Variants in PIK3C3 observed in about 807,000 individuals in gnomAD.
PIK3C3 encodes the protein phosphatidylinositol 3-kinase catalytic subunit type 3, also known as PI3-kinase type 3.
A neutral mutation model predicts 126.1 loss-of-function variants in PIK3C3; 95 were observed. The ratio of observed to expected loss-of-function variants is 0.75; its 90% confidence interval spans 0.64 to 0.89. PIK3C3 has a LOEUF of 0.89. Among genes scored for constraint, PIK3C3 ranks in the 40% least tolerant of loss-of-function variants. PIK3C3 has a pLI of 0.00. For missense variants in PIK3C3, 829 were observed against 1,063.2 expected, an observed-to-expected ratio of 0.78 and a Z score of 3.06; for synonymous variants, 374 against 360.0, an observed-to-expected ratio of 1.04 and a Z score of -0.44.
intron 21 of PIK3C3, among the ~76,000 whole-genome samples, chr18:42,054,915 G>C (rs968498921): frequency 6.6e-6 from 1 of 151,834 alleles, no homozygotes; most frequent in Non-Finnish European, 1.5e-5. Flanking sequence ...TTACCACCAT[G>C]AGATGAATAA....
intron 19 of PIK3C3, among the ~76,000 whole-genome samples, chr18:42,043,100 CT>C (rs879644776): frequency 3.1e-3 from 448 of 142,500 alleles, no homozygotes; most frequent in Middle Eastern, 7.2e-3. Context: ...ATAGGATAAA[CT>C]TTTTTTTTTT....
At chr18:41,987,940 A>G (rs554409400) in intron 5 of PIK3C3, 42 bp downstream of exon 5, 4 of 1,202,290 alleles carry the variant, frequency 3.3e-6, no homozygotes, top group Non-Finnish European at 4.7e-6. Context: ...TTTTCTGTAA[A>G]TTTTTAAATT....
intron 19 of PIK3C3, 29 bp from the exon 20 acceptor site, chr18:42,043,704 T>C (rs781025938): frequency 1.4e-6 from 2 of 1,466,246 alleles, no homozygotes; most frequent in African/African-American, 1.4e-5. Context: ...TGTACTTAAT[T>C]CTAAAACATG....
At chr18:42,000,052 A>C (rs2144372641) in intron 9 of PIK3C3, among the ~76,000 whole-genome samples, 1 of 152,214 alleles carries the variant, frequency 6.6e-6, no homozygotes, top group African/African-American at 2.4e-5. Context: ...GTGATATTGT[A>C]CTTCTCTTTT....
intron 22 of PIK3C3, among the ~76,000 whole-genome samples, chr18:42,064,149 T>C (rs977712238): frequency 6.6e-6 from 1 of 152,190 alleles, no homozygotes; most frequent in East Asian, 1.9e-4. Context: ...TCTGAAGATA[T>C]CATTATTTAG....
At chr18:42,067,570 T>A (rs1474834735) in intron 24 of PIK3C3, 57 bp downstream of exon 24, 11 of 1,579,976 alleles carry the variant, frequency 7.0e-6, no homozygotes, top group African/African-American at 1.4e-5. Context: ...TGCCCCAGAG[T>A]CCTTGGAGAG....
intron 19 of PIK3C3, among the ~76,000 whole-genome samples, chr18:42,042,904 G>A (rs1984387577): frequency 1.3e-5 from 2 of 152,138 alleles, no homozygotes; most frequent in Non-Finnish European, 2.9e-5. Context: ...CTGTAAGGTT[G>A]AATGTATAAA....
In PIK3C3 at chr18:42,015,482, A is replaced by G; in HGVS notation, c.1332A>G (p.Gln444=). The change falls in exon 12 of 25, where the codon CAA becomes CAG. Residue 444 remains glutamine (Q), a synonymous_variant. Transcript: ENST00000262039. ...GINSAEIDSS[Q]IITSPLPSVS... is the part of the protein sequence containing the mutation. ...TCTTTTATTACTTTTTCAGCTCCCA[A>G]ATTATAACCAGCCCCCTTCCTTCAG... The G allele has an allele frequency of 1.2e-6, 2 of 1,613,120 alleles. No homozygotes were observed. Among genetic ancestry groups the G allele is most frequent in the Non-Finnish European group, 8.5e-7 (1 of 1,179,438 alleles).
chr18:41,961,696 G>A (rs1245140930), intron 2 of PIK3C3, among the ~76,000 whole-genome samples: 1 of 152,122 alleles, frequency 6.6e-6, no homozygotes, highest in Non-Finnish European at 1.5e-5. Flanking sequence ...CATATTGTTG[G>A]CACAGTATTC....
intron 10 of PIK3C3, among the ~76,000 whole-genome samples, chr18:42,011,528 G>A (rs181900077): frequency 1.4e-4 from 21 of 152,270 alleles, no homozygotes; most frequent in African/African-American, 5.1e-4. Context: ...TCTGGATTGG[G>A]CTTTCACCCA....
At chr18:42,041,881 C>T (rs964114692) in intron 19 of PIK3C3, among the ~76,000 whole-genome samples, 4 of 152,202 alleles carry the variant, frequency 2.6e-5, no homozygotes, top group Non-Finnish European at 5.9e-5. Context: ...ACCTGTGTAA[C>T]TTTCCAGCTC....
At chr18:42,025,948 T>G (rs965483376) in intron 13 of PIK3C3, 9 of 152,176 alleles carry the variant, frequency 5.9e-5, no homozygotes, top group Admixed American at 2.0e-4. Context: ...AGGTAAGCCC[T>G]CAGCTCTCAT....
Position 42,081,688 on chromosome 18 carries a change from C to T in PIK3C3, c.*551C>T, listed in dbSNP as rs577005403. On this transcript the variant is annotated 3_prime_UTR_variant, in exon 25 of 25. Coordinates refer to ENST00000262039, the MANE Select transcript of PIK3C3 (RefSeq NM_002647.4). The stretch of plus-strand genomic sequence containing the variant: ...GTTTTACATGTGATGGCTCATTCTT[C>T]TGCAGTTCAAGAATTGCTTATATTT... 6.6e-6 allele frequency: 1 copy of T among 152,534 alleles called. No homozygotes were observed. Among genetic ancestry groups the T allele is most frequent in the South Asian group, 2.1e-4 (1 of 4,828 alleles). The allele number at this position is 152,534 out of a possible 1,614,324, so 9.4% of individuals were successfully genotyped here.
intron 22 of PIK3C3, 136 bp downstream of exon 22, chr18:42,058,187 C>A: frequency 3.2e-6 from 2 of 629,862 alleles, no homozygotes; most frequent in Non-Finnish European, 5.0e-6. Flanking sequence ...TATTTCCTAT[C>A]TTACATTTAA....
chr18:41,979,895 T>TATTATTATTATTATTATTATC (rs142491238), intron 4 of PIK3C3, among the ~76,000 whole-genome samples: 16 of 149,728 alleles, frequency 1.1e-4, no homozygotes, highest in African/African-American at 3.9e-4. Context: ...TTATTATTAT[T>TATTATTATTATTATTATTATC]ATTATTATTA....
At position 42,027,456 on chromosome 18, in the gene PIK3C3, G is replaced by A. The variant is rs1031312269; in HGVS notation, c.1498G>A (p.Glu500Lys). The change falls in exon 14 of 25, where the codon GAA (glutamate) becomes AAA (lysine). Residue 500 changes from glutamate (E) to lysine (K), a missense_variant. Glu to Lys is a moderately conservative substitution (Grantham distance 56). Coordinates refer to ENST00000262039, the MANE Select transcript of PIK3C3 (RefSeq NM_002647.4). ...ACTATTTTTAAGGTATGTGATAGTG[G>A]AATGTGAAGATCAAGATACTCAGCA... The part of the protein sequence containing the change: ...ANYLYWYVIV[E>K]CEDQDTQQRD... 1.9e-6 allele frequency: 3 copies of A among 1,596,718 alleles called. No individual in the cohort carries two copies. The highest frequency in any genetic ancestry group is 1.7e-5 in the Admixed American group (1 of 59,576).
In PIK3C3 at chr18:41,995,939, G is replaced by C; in HGVS notation, c.836G>C (p.Ser279Thr). ...KHHKLARSLR[S>T]GPSDHDLKPN... ...CACAAGCTTGCCCGGAGTTTAAGAA[G>C]TGGACCTTCTGACCACGATCTGAAA... The change falls in exon 8 of 25, where the codon AGT (serine) becomes ACT (threonine). Residue 279 changes from serine (S) to threonine (T), a missense_variant. Ser to Thr is a moderately conservative substitution (Grantham distance 58, BLOSUM62 1). Coordinates refer to ENST00000262039, the MANE Select transcript of PIK3C3 (RefSeq NM_002647.4). The C allele has an allele frequency of 6.2e-7, 1 of 1,613,264 alleles. No homozygotes were observed.
chr18:41,970,342 G>C lies in PIK3C3; in HGVS notation c.417G>C (p.Gly139=), dbSNP rs376163040. 1 of 1,613,402 alleles carries C rather than the reference G, an allele frequency of 6.2e-7. No individual in the cohort carries two copies. The highest frequency in any genetic ancestry group is 1.3e-5 in the African/African-American group (1 of 74,880). Residue 139 remains glycine, a synonymous_variant, in exon 4 of 25, where the codon GGG becomes GGC. Coordinates refer to ENST00000262039, the MANE Select transcript of PIK3C3 (RefSeq NM_002647.4). The part of the protein sequence containing the change: ...LFGKYGMFRQ[G]MHDLKVWPNV... ...TTTTCCCTAGCATGTTTCGCCAAGGGATGCATGACTTGAAAGTCTGGCCTA... is the reference window on the plus strand; with the variant it reads ...TTTTCCCTAGCATGTTTCGCCAAGGCATGCATGACTTGAAAGTCTGGCCTA...
At chr18:41,979,348 G>GC (rs1181504380) in intron 4 of PIK3C3, among the ~76,000 whole-genome samples, 14 of 152,120 alleles carry the variant, frequency 9.2e-5, no homozygotes, top group African/African-American at 3.4e-4. Flanking sequence ...ATTCGGAAAT[G>GC]GGCTTTTTAG....
Sources: allele counts gnomAD v4.1 joint callset (sites outside exome capture counted in the v4.1 genomes callset), GRCh38; gene constraint gnomAD v4.1.1; transcripts MANE v1.5; gene names NCBI Gene and HGNC (gene_info 2026-07-23, HGNC 2026-07-21).